The following FRY variants were observed in gnomAD, a reference collection of about 807,000 sequenced individuals.
The protein encoded by FRY is protein furry homolog.
FRY carries 128 observed loss-of-function variants against 348.4 expected under a neutral mutation model. The observed-to-expected ratio is 0.37, with a 90% CI of 0.32 to 0.43. The LOEUF (loss-of-function observed/expected upper bound fraction) is 0.43. FRY is among the 20% of genes least tolerant of loss of function. FRY has a pLI of 1.00. For missense variants in FRY, 2,736 were observed against 3,695.2 expected (o/e 0.74, Z 6.73); for synonymous variants, 1,370 against 1,374.7 (o/e 1.00, Z 0.08).
intron 28 of FRY, 152 bp from the exon 29 acceptor site, chr13:32,193,991 C>T: frequency 1.3e-6 from 1 of 742,866 alleles, no homozygotes; most frequent in East Asian, 2.6e-5. Flanking sequence ...CGACATTATA[C>T]TCTTGAAGAA....
At chr13:32,271,391 C>T (rs1402540503) in intron 55 of FRY, among the ~76,000 whole-genome samples, 1 of 152,156 alleles carries the variant, frequency 6.6e-6, no homozygotes, top group South Asian at 2.1e-4. Flanking sequence ...CATGGAGAAA[C>T]ACCTCAAGCC....
chr13:32,275,310 C>T (rs1032166178), intron 56 of FRY, among the ~76,000 whole-genome samples: 1 of 151,978 alleles, frequency 6.6e-6, no homozygotes, highest in African/African-American at 2.4e-5. Context: ...ATGGCATGAC[C>T]CCGGGGGGCA....
At chr13:32,065,699 C>T (rs1874211875) in intron 1 of FRY, among the ~76,000 whole-genome samples, 1 of 152,066 alleles carries the variant, frequency 6.6e-6, no homozygotes, top group Non-Finnish European at 1.5e-5. Flanking sequence ...TTCCTGGGCT[C>T]AAGCGATCCT....
rs774484171 is a variant in FRY at position 32,225,966 on chromosome 13, T to G, written c.5198T>G (p.Leu1733Arg). The G allele has an allele frequency of 6.2e-7, 1 of 1,612,558 alleles. No individual in the cohort carries two copies. Among genetic ancestry groups the G allele is most frequent in the Non-Finnish European group, 8.5e-7 (1 of 1,178,690 alleles). The change falls in exon 39 of 61, where the codon CTC (leucine) becomes CGC (arginine). Residue 1733 changes from leucine to arginine, a missense_variant. Around this residue, in one of 9 missense-constraint regions of FRY, gnomAD observed 794 missense variants for 977.0 expected, o/e 0.81. Coordinates refer to ENST00000542859, the MANE Select transcript of FRY (RefSeq NM_023037.3). ...TVQPAYQPEY[L>R]YTGGFDFLRE... is the part of the protein sequence containing the mutation. ...CAGCCAGCCTACCAACCTGAATATCTCTATACAGGTAACAGAGAAGGACTG... is the reference window on the plus strand; with the variant it reads ...CAGCCAGCCTACCAACCTGAATATCGCTATACAGGTAACAGAGAAGGACTG...
At chr13:32,250,445 C>T (rs1302006401) in intron 49 of FRY, among the ~76,000 whole-genome samples, 1 of 152,184 alleles carries the variant, frequency 6.6e-6, no homozygotes, top group African/African-American at 2.4e-5. Flanking sequence ...CATCTTGGCC[C>T]TTGTTTTCCC....
At position 32,105,157 on chromosome 13, in the gene FRY, G is replaced by C. The variant is rs76845607; in HGVS notation, c.324+3141G>C. The stretch of plus-strand genomic sequence containing the variant: ...CCTCCAAAATTCAGCTGCTGTTAAT[G>C]TGATAGTATCAAGAGGTAGGGCCTT... On this transcript the variant is annotated intron_variant, in intron 3 of 60. Transcript: ENST00000542859. 3.4e-3 allele frequency among the ~76,000 whole-genome samples: 519 copies of C among 152,324 alleles called. 20 individuals carry two copies. In the East Asian group the frequency reaches 0.087, roughly 25 times the overall value.
chr13:32,067,792 A>T (rs1380010785), intron 1 of FRY, among the ~76,000 whole-genome samples: 1 of 152,184 alleles, frequency 6.6e-6, no homozygotes, highest in African/African-American at 2.4e-5. Flanking sequence ...TAGACCTTGG[A>T]CTCTGAGTTC....
intron 31 of FRY, among the ~76,000 whole-genome samples, chr13:32,207,022 G>A (rs1884391673): frequency 6.6e-6 from 1 of 152,044 alleles, no homozygotes; most frequent in Non-Finnish European, 1.5e-5. Flanking sequence ...TTTAAAAAGG[G>A]AACTACCCTT....
chr13:32,250,109 G>A (rs1392652803), intron 49 of FRY, among the ~76,000 whole-genome samples: 1 of 152,144 alleles, frequency 6.6e-6, no homozygotes, highest in Non-Finnish European at 1.5e-5. Flanking sequence ...TGCTGCCCAC[G>A]GAACAGGCAC....
At chr13:32,250,249 ACTT>A (rs2138505488) in intron 49 of FRY, among the ~76,000 whole-genome samples, 1 of 152,234 alleles carries the variant, frequency 6.6e-6, no homozygotes, top group African/African-American at 2.4e-5. Flanking sequence ...GTCAAGTAAA[ACTT>A]CTGCATTATT....
intron 52 of FRY, 129 bp downstream of exon 52, chr13:32,261,945 G>A (rs975555843): frequency 9.4e-6 from 8 of 849,796 alleles, no homozygotes; most frequent in African/African-American, 1.7e-5. Flanking sequence ...ACTGTCAGGT[G>A]GTGTCATACG....
intron 1 of FRY, among the ~76,000 whole-genome samples, chr13:32,052,168 T>C (rs1873365668): frequency 1.3e-5 from 2 of 152,348 alleles, no homozygotes; most frequent in Admixed American, 6.5e-5. Context: ...TTCTCTTCTA[T>C]AGAGTGGACA....
chr13:32,143,253 G>T (rs138791091), intron 11 of FRY, among the ~76,000 whole-genome samples: 1 of 152,308 alleles, frequency 6.6e-6, no homozygotes, highest in African/African-American at 2.4e-5. Context: ...AATATCATTT[G>T]TGCAAGAATG....
Position 32,098,741 on chromosome 13 carries a change from G to A in FRY, c.271-3222G>A, listed in dbSNP as rs370891345. ...CGTGTGTTCTTCAGTGTTCCACCCC[G>A]GCATGTAGCATTTGACGCATTGTGA... On this transcript the variant is annotated intron_variant, in intron 2 of 60. Coordinates refer to ENST00000542859, the MANE Select transcript of FRY (RefSeq NM_023037.3). 2.2e-4 allele frequency among the ~76,000 whole-genome samples: 33 copies of A among 152,048 alleles called. 1 individual carries two copies. The East Asian group carries it at 5.2e-3, about 24-fold the overall frequency.
chr13:32,243,846 T>TA (rs1886634392), intron 46 of FRY, among the ~76,000 whole-genome samples, 196 bp from the exon 47 acceptor site: 1 of 152,164 alleles, frequency 6.6e-6, no homozygotes. Context: ...TAATCCCAGA[T>TA]ACTTTCGAGC....
intron 22 of FRY, among the ~76,000 whole-genome samples, chr13:32,179,331 C>A (rs1306899132): frequency 6.6e-6 from 1 of 152,304 alleles, no homozygotes; most frequent in East Asian, 1.9e-4. Context: ...CACTACATTT[C>A]TTTCACTCCT....
intron 3 of FRY, among the ~76,000 whole-genome samples, chr13:32,106,999 ACT>A (rs1468739035): frequency 1.3e-5 from 2 of 152,152 alleles, no homozygotes; most frequent in Non-Finnish European, 2.9e-5. Flanking sequence ...ATATTTTTAC[ACT>A]CATAATTTTA....
chr13:32,274,620 C>A (rs1412459220), intron 55 of FRY, among the ~76,000 whole-genome samples: 2 of 137,876 alleles, frequency 1.5e-5, no homozygotes, highest in African/African-American at 5.4e-5. Context: ...AGGAGAATGG[C>A]GTGAACCTGG....
At chr13:32,073,996 A>G (rs995709989) in intron 1 of FRY, among the ~76,000 whole-genome samples, 4 of 152,252 alleles carry the variant, frequency 2.6e-5, no homozygotes, top group African/African-American at 9.6e-5. Flanking sequence ...TAAACCAGCT[A>G]AGAGCAACCA....
Sources: allele counts gnomAD v4.1 joint callset (sites outside exome capture counted in the v4.1 genomes callset), GRCh38; gene constraint gnomAD v4.1.1; regional missense constraint gnomAD v4.1.1; transcripts MANE v1.5; gene names NCBI Gene and HGNC (gene_info 2026-07-23, HGNC 2026-07-21).